The following PBX1 variants were observed in gnomAD, a reference collection of about 807,000 sequenced individuals.
PBX1 encodes the protein PBX homeobox 1.
A neutral mutation model predicts 53.4 loss-of-function variants in PBX1; 6 were observed. That is an observed-to-expected ratio of 0.11 (90% confidence interval 0.06 to 0.22). PBX1 has a LOEUF of 0.22. Among genes scored for constraint, PBX1 ranks in the 10% least tolerant of loss-of-function variants. The probability of loss-of-function intolerance (pLI) is 1.00; values close to 1 mark genes in which losing one functional copy is unlikely to be tolerated. For missense variants in PBX1, 251 were observed against 551.4 expected (o/e 0.46, Z 5.46); for synonymous variants, 204 against 212.3 (o/e 0.96, Z 0.34).
intron 2 of PBX1, among the ~76,000 whole-genome samples, chr1:164,786,407 G>T (rs887693384): frequency 6.6e-6 from 1 of 152,030 alleles, no homozygotes; most frequent in Admixed American, 6.5e-5. Flanking sequence ...GGCTCTTCTC[G>T]TCAGGGCAGA....
intron 2 of PBX1, among the ~76,000 whole-genome samples, chr1:164,661,589 G>A (rs907097665): frequency 6.6e-6 from 1 of 151,942 alleles, no homozygotes; most frequent in South Asian, 2.1e-4. Flanking sequence ...ACCATGCCTG[G>A]CAAATTTTTG....
chr1:164,571,873 GTATATATATATATATATATA>G (rs59338120), intron 2 of PBX1, among the ~76,000 whole-genome samples: 470 of 29,904 alleles, frequency 0.016, 14 homozygotes, highest in South Asian at 0.025. Flanking sequence ...TCTGTACATT[GTATATATATATATATATATA>G]TATATATATA....
intron 2 of PBX1, among the ~76,000 whole-genome samples, chr1:164,621,670 C>T (rs538302907): frequency 9.1e-4 from 138 of 152,230 alleles, no homozygotes; most frequent in African/African-American, 3.2e-3. Flanking sequence ...AAGAATCATT[C>T]ACGTCCAGGG....
intron 4 of PBX1, among the ~76,000 whole-genome samples, chr1:164,801,704 C>A (rs1669083210): frequency 1.3e-5 from 2 of 152,182 alleles, no homozygotes; most frequent in African/African-American, 2.4e-5. Context: ...AAGACAGGGT[C>A]TTTTTCTTGC....
intron 2 of PBX1, among the ~76,000 whole-genome samples, chr1:164,588,567 C>A (rs1001596358): frequency 7.1e-6 from 1 of 140,262 alleles, no homozygotes; most frequent in African/African-American, 2.6e-5. Flanking sequence ...TTCTGGACTT[C>A]CAGAAAGCAA....
chr1:164,741,692 T>C (rs751028617), intron 2 of PBX1, among the ~76,000 whole-genome samples: 1 of 151,922 alleles, frequency 6.6e-6, no homozygotes, highest in Non-Finnish European at 1.5e-5. Flanking sequence ...TGAAGACCAC[T>C]GTGTGAAACT....
chr1:164,855,827 T>C (rs1415701632), downstream of PBX1, among the ~76,000 whole-genome samples: 1 of 152,260 alleles, frequency 6.6e-6, no homozygotes, highest in African/African-American at 2.4e-5. Flanking sequence ...ATCCGATCTA[T>C]GCATTCTGCC....
chr1:164,867,429 G>T (rs1672244001), intron 2 of PBX1, among the ~76,000 whole-genome samples: 1 of 152,192 alleles, frequency 6.6e-6, no homozygotes, highest in African/African-American at 2.4e-5. Context: ...AAGCCCTGCT[G>T]GGGACAAAGT....
intron 2 of PBX1, among the ~76,000 whole-genome samples, chr1:164,637,601 C>T (rs1287238979): frequency 2.6e-5 from 4 of 152,048 alleles, no homozygotes; most frequent in Admixed American, 2.6e-4. Context: ...TGACTTTGGC[C>T]CTGCTGCTGA....
intron 2 of PBX1, among the ~76,000 whole-genome samples, chr1:164,746,931 C>T (rs11583670): frequency 0.34 from 51,278 of 152,018 alleles, 9,190 homozygotes; most frequent in South Asian, 0.6. Flanking sequence ...TTTTGCATAT[C>T]GGGCTTCTTA....
intron 2 of PBX1, among the ~76,000 whole-genome samples, chr1:164,781,421 C>T (rs1489078709): frequency 1.3e-5 from 2 of 152,112 alleles, no homozygotes; most frequent in Non-Finnish European, 2.9e-5. Flanking sequence ...TGTAAGGAAA[C>T]ATCCCACTAC....
chr1:164,577,034 C>T (rs1286346809), intron 2 of PBX1: 1 of 152,078 alleles, frequency 6.6e-6, no homozygotes, highest in South Asian at 2.1e-4. Flanking sequence ...AACACGCACG[C>T]GTATTAATTT....
At chr1:164,811,845 A>G (rs1669628321) in intron 5 of PBX1, 145 bp from the exon 6 acceptor site, 2 of 458,338 alleles carry the variant, frequency 4.4e-6, no homozygotes, top group Non-Finnish European at 7.3e-6. Context: ...CTTACTTCAG[A>G]TCTTTTTACT....
At chr1:164,794,763 C>T (rs910157106) in intron 3 of PBX1, among the ~76,000 whole-genome samples, 49 of 152,200 alleles carry the variant, frequency 3.2e-4, no homozygotes, top group African/African-American at 1.1e-3. Flanking sequence ...TCCTAATTCA[C>T]CTTCACCAAT....
At chr1:164,757,581 C>A (rs1571347483) in intron 2 of PBX1, among the ~76,000 whole-genome samples, 1 of 152,260 alleles carries the variant, frequency 6.6e-6, no homozygotes, top group East Asian at 1.9e-4. Flanking sequence ...CATATAAATT[C>A]TATTATCCCT....
chr1:164,648,463 C>T (rs1659596704), intron 2 of PBX1, among the ~76,000 whole-genome samples: 1 of 152,176 alleles, frequency 6.6e-6, no homozygotes, highest in East Asian at 1.9e-4. Flanking sequence ...TGCCAGCTAC[C>T]GTTGTAGGGA....
intron 2 of PBX1, among the ~76,000 whole-genome samples, chr1:164,742,422 A>T (rs1047984266): frequency 6.6e-6 from 1 of 152,170 alleles, no homozygotes; most frequent in Non-Finnish European, 1.5e-5. Context: ...CACATCTGTA[A>T]TCCCAGCTAC....
chr1:164,742,130 G>C (rs1366395095), intron 2 of PBX1, among the ~76,000 whole-genome samples: 7 of 152,094 alleles, frequency 4.6e-5, no homozygotes, highest in African/African-American at 1.7e-4. Context: ...CTGCAGATTA[G>C]GGAAACCTGT....
chr1:164,568,298 G>A (rs1029800934), intron 2 of PBX1, among the ~76,000 whole-genome samples: 2 of 150,868 alleles, frequency 1.3e-5, no homozygotes, highest in Non-Finnish European at 2.9e-5. Context: ...TTTGAACTTG[G>A]TGAAGCGAAT....
Sources: gnomAD v4.1 joint callset for allele counts (sites outside exome capture counted in the v4.1 genomes callset) on GRCh38, gnomAD v4.1.1 for gene constraint, MANE v1.5 for transcripts, NCBI Gene and HGNC (gene_info 2026-07-23, HGNC 2026-07-21) for gene names.